Variants in RALGAPA2 observed in about 807,000 individuals in gnomAD.
The protein encoded by RALGAPA2 is Ral GTPase activating protein catalytic subunit alpha 2.
A neutral mutation model predicts 230.4 loss-of-function variants in RALGAPA2; 139 were observed. That is an observed-to-expected ratio of 0.60 (90% CI 0.53 to 0.69). RALGAPA2 has a LOEUF of 0.69. RALGAPA2 is among the 30% of genes least tolerant of loss of function. RALGAPA2 has a pLI of 0.00. For missense variants in RALGAPA2, 2,163 were observed against 2,276.0 expected, an observed-to-expected ratio of 0.95 and a Z score of 1.01; for synonymous variants, 847 against 837.8, an observed-to-expected ratio of 1.01 and a Z score of -0.19.
At chr20:20,616,276 T>G in intron 12 of RALGAPA2, 85 bp from the exon 13 acceptor site, 2 of 1,009,040 alleles carry the variant, frequency 2.0e-6, no homozygotes, top group Non-Finnish European at 2.8e-6. Flanking sequence ...AATTTCACTC[T>G]ACCAATGAAA....
At chr20:20,424,084 T>C (rs2060331877) in intron 37 of RALGAPA2, among the ~76,000 whole-genome samples, 1 of 152,222 alleles carries the variant, frequency 6.6e-6, no homozygotes, top group South Asian at 2.1e-4. Context: ...AAGGTCTCCC[T>C]CCTAGAATCC....
chr20:20,493,369 T>C (rs535295595), intron 36 of RALGAPA2, among the ~76,000 whole-genome samples: 25 of 152,342 alleles, frequency 1.6e-4, no homozygotes, highest in Non-Finnish European at 3.1e-4. Context: ...AATTAAAATA[T>C]TAAGAAAGCG....
Position 20,629,451 on chromosome 20 carries a change from T to TCAG in RALGAPA2, c.1144_1145insCTG (p.Glu381_Glu382insAla), listed in dbSNP as rs1384451351. The TCAG allele has an allele frequency of 3.7e-6, 6 of 1,613,852 alleles. No homozygotes were observed. The highest frequency in any genetic ancestry group is 1.3e-5 in the African/African-American group (1 of 74,914). On this transcript the variant is annotated inframe_insertion, in exon 10 of 40. Transcript: ENST00000202677. ...CATTTCATACACCATTCGGTGCTCT[T>TCAG]CTTCAATGCTACAGAGGCTGGAGTT... is the stretch of plus-strand genomic sequence containing the variant.
chr20:20,629,698 G>GCA (rs1463050650), intron 9 of RALGAPA2, 108 bp from the exon 10 acceptor site: 3 of 1,163,726 alleles, frequency 2.6e-6, no homozygotes, highest in Non-Finnish European at 3.7e-6. Context: ...CCATCAATGT[G>GCA]CACAGGGTAC....
intron 2 of RALGAPA2, among the ~76,000 whole-genome samples, chr20:20,678,768 C>G (rs1389846182): frequency 6.6e-6 from 1 of 152,184 alleles, no homozygotes; most frequent in Non-Finnish European, 1.5e-5. Flanking sequence ...GGGTCACCTT[C>G]AACAGCTCAC....
chr20:20,527,795 C>G lies in RALGAPA2; in HGVS notation c.3583-1433G>C, dbSNP rs374834549. On this transcript the variant is annotated intron_variant, in intron 27 of 39. Coordinates refer to ENST00000202677, the MANE Select transcript of RALGAPA2 (RefSeq NM_020343.4). Reference sequence around the variant, plus strand: ...CCCCTTAAGGATGTGCGTGGTGTGCCTAAGGTGAAGATGAAACTCTGAGAG... The same window carrying G: ...CCCCTTAAGGATGTGCGTGGTGTGCGTAAGGTGAAGATGAAACTCTGAGAG... Among the ~76,000 whole-genome samples, 8 of 152,240 alleles carry G rather than the reference C, an allele frequency of 5.3e-5. No homozygotes were observed. The East Asian group carries it at 1.4e-3, about 26-fold the overall frequency.
chr20:20,709,955 C>CT (rs1303440135), intron 1 of RALGAPA2, among the ~76,000 whole-genome samples: 9 of 152,134 alleles, frequency 5.9e-5, no homozygotes, highest in Non-Finnish European at 1.3e-4. Context: ...GGGAAAGAAA[C>CT]TGTTAAAGGC....
chr20:20,512,646 T>C lies in RALGAPA2; in HGVS notation c.4723A>G (p.Ile1575Val). The change falls in exon 32 of 40, where the codon ATC (isoleucine) becomes GTC (valine). Residue 1575 changes from isoleucine (I) to valine (V), a missense_variant. Transcript: ENST00000202677. Reference protein sequence around the residue: ...LRQNAQEDEYIQSHNFDSAMK... With the variant: ...LRQNAQEDEYVQSHNFDSAMK... Reference sequence around the variant, plus strand: ...GCAGAATCGAAGTTATGACTCTGGATATACTCATCCTCTTGAGCATTTTGG... The same window carrying C: ...GCAGAATCGAAGTTATGACTCTGGACATACTCATCCTCTTGAGCATTTTGG... The C allele has an allele frequency of 6.2e-7, 1 of 1,613,986 alleles. No homozygotes were observed. The highest frequency in any genetic ancestry group is 8.5e-7 in the Non-Finnish European group (1 of 1,179,882).
intron 23 of RALGAPA2, among the ~76,000 whole-genome samples, chr20:20,549,077 C>T (rs989669682): frequency 1.6e-4 from 24 of 152,124 alleles, no homozygotes; most frequent in Admixed American, 1.4e-3. Flanking sequence ...AAATCTTTAG[C>T]ACATACTTGA....
At chr20:20,554,902 T>G (rs2064037212) in intron 23 of RALGAPA2, among the ~76,000 whole-genome samples, 1 of 152,370 alleles carries the variant, frequency 6.6e-6, no homozygotes, top group African/African-American at 2.4e-5. Context: ...GATAGCATCT[T>G]TTGAAGCACA....
chr20:20,655,613 G>A (rs1194735942), intron 3 of RALGAPA2, among the ~76,000 whole-genome samples: 1 of 152,176 alleles, frequency 6.6e-6, no homozygotes, highest in Admixed American at 6.5e-5. Flanking sequence ...TGGGCCTGGA[G>A]AGGCAGGCGA....
chr20:20,695,381 C>T (rs1168326351), intron 1 of RALGAPA2, among the ~76,000 whole-genome samples: 1 of 152,202 alleles, frequency 6.6e-6, no homozygotes, highest in Non-Finnish European at 1.5e-5. Context: ...AGCCATTCAG[C>T]AGCTAGCACT....
intron 14 of RALGAPA2, among the ~76,000 whole-genome samples, chr20:20,610,058 T>TA (rs2065932934): frequency 6.6e-6 from 1 of 152,216 alleles, no homozygotes; most frequent in Admixed American, 6.5e-5. Context: ...TTTAAAGAAA[T>TA]AATTTCTCCT....
intron 36 of RALGAPA2, among the ~76,000 whole-genome samples, chr20:20,486,177 T>C (rs914935504): frequency 2.0e-5 from 3 of 151,954 alleles, no homozygotes; most frequent in Admixed American, 6.5e-5. Context: ...ATTTTACTTA[T>C]ATTTCTTCCT....
chr20:20,546,904 G>A (rs1213135021), intron 23 of RALGAPA2, 72 bp from the exon 24 acceptor site: 3 of 1,439,894 alleles, frequency 2.1e-6, no homozygotes, highest in Non-Finnish European at 2.8e-6. Flanking sequence ...GTTTGTAGTG[G>A]TACATATGAC....
chr20:20,676,327 T>C (rs776053721), intron 2 of RALGAPA2, 39 bp from the exon 3 acceptor site: 2 of 1,398,130 alleles, frequency 1.4e-6, no homozygotes, highest in East Asian at 2.3e-5. Flanking sequence ...ATGACATCAT[T>C]TAAACTTCAG....
At chr20:20,448,313 G>C (rs2060910498) in intron 37 of RALGAPA2, among the ~76,000 whole-genome samples, 1 of 152,158 alleles carries the variant, frequency 6.6e-6, no homozygotes, top group Non-Finnish European at 1.5e-5. Context: ...ATGTTAAATA[G>C]TCTTTAAGAA....
chr20:20,474,311 A>G (rs12480284), intron 36 of RALGAPA2, among the ~76,000 whole-genome samples: 7 of 152,202 alleles, frequency 4.6e-5, no homozygotes, highest in Admixed American at 3.9e-4. Context: ...AAAAAGGAAG[A>G]ATTAAGAGCT....
At chr20:20,521,533 C>T (rs923665378) in intron 30 of RALGAPA2, among the ~76,000 whole-genome samples, 5 of 152,070 alleles carry the variant, frequency 3.3e-5, no homozygotes, top group Admixed American at 2.0e-4. Flanking sequence ...TAACTCATGA[C>T]GCCATAAATT....
Sources: allele counts gnomAD v4.1 joint callset (sites outside exome capture counted in the v4.1 genomes callset), GRCh38; gene constraint gnomAD v4.1.1; transcripts MANE v1.5; gene names NCBI Gene and HGNC (gene_info 2026-07-23, HGNC 2026-07-21).